RYK: variants seen among roughly 807,000 people sequenced by gnomAD.
The protein encoded by RYK is receptor like tyrosine kinase, also known as inactive tyrosine-protein kinase RYK.
Under a neutral mutation model 70.2 loss-of-function variants are expected in RYK, and 21 were observed. The observed-to-expected ratio is 0.30, with a 90% CI of 0.21 to 0.43. The LOEUF (loss-of-function observed/expected upper bound fraction) is 0.43, where lower values mean the gene tolerates loss of function less well. Ranked by LOEUF, RYK falls within the 20% of genes least tolerant of loss-of-function variation. The pLI is 1.00. For missense variants in RYK, 604 were observed against 753.3 expected (o/e 0.80, Z 2.32); for synonymous variants, 267 against 278.0 (o/e 0.96, Z 0.39).
At chr3:134,167,769 C>A (rs1303647423) in intron 13 of RYK, among the ~76,000 whole-genome samples, 3 of 152,144 alleles carry the variant, frequency 2.0e-5, no homozygotes, top group Non-Finnish European at 4.4e-5. Context: ...CCAAAATTGA[C>A]AAATGGGATC....
chr3:134,247,911 C>T (rs1206024873), intron 1 of RYK, among the ~76,000 whole-genome samples: 1 of 152,134 alleles, frequency 6.6e-6, no homozygotes, highest in East Asian at 1.9e-4. Context: ...GTTCAGAAGG[C>T]ACAAAATCTG....
chr3:134,189,047 G>A (rs989500917), intron 8 of RYK, 124 bp from the exon 9 acceptor site: 6 of 537,976 alleles, frequency 1.1e-5, no homozygotes, highest in African/African-American at 1.0e-4. Flanking sequence ...CATTACTGTA[G>A]CCCTAGAGTA....
intron 6 of RYK, among the ~76,000 whole-genome samples, chr3:134,200,480 C>T (rs1465173792): frequency 6.6e-6 from 1 of 152,172 alleles, no homozygotes; most frequent in Non-Finnish European, 1.5e-5. Flanking sequence ...AGAACTGTAA[C>T]ACTCACCGCG....
chr3:134,191,925 A>C lies in RYK; in HGVS notation c.939T>G (p.Leu313=), dbSNP rs61732795. The change falls in exon 8 of 15, where the codon CTT becomes CTG. Residue 313 remains leucine, a synonymous_variant. Transcript: ENST00000623711. ...IEKNDLRSVT[L]LEAKGKVKDI... ...CCTTCACCTTGCCTTTGGCCTCCAA[A>C]AGAGTGACACTTCTCAAGTCGTTCT... 125 of 1,613,466 alleles carry C rather than the reference A, an allele frequency of 7.7e-5. 2 individuals carry two copies. The Middle Eastern group carries it at 2.8e-3, about 36-fold the overall frequency.
At chr3:134,163,530 T>C (rs981979323) in intron 13 of RYK, among the ~76,000 whole-genome samples, 2 of 152,244 alleles carry the variant, frequency 1.3e-5, no homozygotes, top group Non-Finnish European at 2.9e-5. Context: ...AGCTTCTATA[T>C]ATAAGATGTA....
rs528563151 is a variant in RYK, at chr3:134,211,744, A to G, written c.355-137T>C. 5.0e-5 allele frequency: 31 copies of G among 625,306 alleles called. No individual in the cohort carries two copies. The Admixed American group carries it at 9.0e-4, about 18-fold the overall frequency. 38.7% of individuals were successfully genotyped at this position (625,306 alleles called of 1,614,324 possible). ...AAATAATCTAGCTATAAAAAAATGC[A>G]AATTGTCAGAAACAGTCCTAAGAAT... On this transcript the variant is annotated intron_variant, in intron 2 of 14. Transcript: ENST00000623711.
At chr3:134,250,386 C>G in intron 1 of RYK, 37 bp downstream of exon 1, 1 of 1,324,060 alleles carries the variant, frequency 7.6e-7, no homozygotes, top group Non-Finnish European at 9.7e-7. Context: ...CCCAGCCGGC[C>G]CGACCTGCCC....
At chr3:134,222,661 G>C in intron 1 of RYK, 122 bp from the exon 2 acceptor site, 4 of 792,906 alleles carry the variant, frequency 5.0e-6, no homozygotes, top group Non-Finnish European at 7.8e-6. Flanking sequence ...ATCACAAATG[G>C]CCCTAACATG....
At chr3:134,246,812 G>T (rs2015479690) in intron 1 of RYK, among the ~76,000 whole-genome samples, 1 of 151,990 alleles carries the variant, frequency 6.6e-6, no homozygotes, top group African/African-American at 2.4e-5. Context: ...CAAGAAAAAG[G>T]AAGACAGGAG....
At position 134,250,583 on chromosome 3, in the gene RYK, CGG is replaced by C; in HGVS notation, c.70_71del (p.Pro24AlafsTer56). ...GCAGAAGCAGCAGCGGCGGCGGCGG[CGG>C]GGCCCTCAGGCCGCGGGCCCCCGGG... ...CLPGARGLRA[P>X]PPPPLLLLLA... On this transcript the variant is annotated frameshift_variant, in exon 1 of 15. Coordinates refer to ENST00000623711, the MANE Select transcript of RYK (RefSeq NM_002958.4). LOFTEE classifies it high-confidence loss of function. The C allele has an allele frequency of 9.6e-7, 1 of 1,043,642 alleles. No homozygotes were observed. 64.6% of individuals were successfully genotyped at this position (1,043,642 alleles called of 1,614,324 possible).
Position 134,157,800 on chromosome 3 carries a change from G to C in RYK, c.*353C>G. 1 of 165,348 alleles carries C rather than the reference G, an allele frequency of 6.0e-6. No homozygotes were observed. The highest frequency in any genetic ancestry group is 1.3e-5 in the Non-Finnish European group (1 of 76,836). The allele number at this position is 165,348 out of a possible 1,614,324, so 10.2% of individuals were successfully genotyped here. On this transcript the variant is annotated 3_prime_UTR_variant, in exon 15 of 15. Coordinates refer to ENST00000623711, the MANE Select transcript of RYK (RefSeq NM_002958.4). Reference sequence around the variant, plus strand: ...TGATGAAGTAAAAAAATAAAAAGCAGTTGGCACTAAGATAGCTAATTCCAA... The same window carrying C: ...TGATGAAGTAAAAAAATAAAAAGCACTTGGCACTAAGATAGCTAATTCCAA...
chr3:134,198,716 C>A (rs1356861448), intron 6 of RYK, among the ~76,000 whole-genome samples: 5 of 152,116 alleles, frequency 3.3e-5, no homozygotes, highest in East Asian at 3.8e-4. Flanking sequence ...ATTTCTGGCA[C>A]AAACTATTGT....
At chr3:134,206,344 T>C (rs1460729938) in intron 5 of RYK, among the ~76,000 whole-genome samples, 2 of 152,158 alleles carry the variant, frequency 1.3e-5, no homozygotes, top group Non-Finnish European at 2.9e-5. Context: ...CAAACAAACA[T>C]GTTCAATGAT....
chr3:134,217,227 T>G (rs1371533240), intron 2 of RYK, among the ~76,000 whole-genome samples: 1 of 152,230 alleles, frequency 6.6e-6, no homozygotes, highest in East Asian at 1.9e-4. Context: ...TATTTCATCT[T>G]CTGGCAAACC....
At chr3:134,202,709 T>C in intron 6 of RYK, 21 bp downstream of exon 6, 1 of 1,607,622 alleles carries the variant, frequency 6.2e-7, no homozygotes, top group South Asian at 1.1e-5. Flanking sequence ...TTTTTTTTCT[T>C]TCCCAAAATA....
At chr3:134,183,825 G>A (rs1183525683) in intron 9 of RYK, among the ~76,000 whole-genome samples, 1 of 152,126 alleles carries the variant, frequency 6.6e-6, no homozygotes, top group African/African-American at 2.4e-5. Context: ...TGACACAATG[G>A]GATACTATGT....
Position 134,249,917 on chromosome 3 carries a change from G to GTTTTTTTTTTTTTTT in RYK, c.232+491_232+505dup, listed in dbSNP as rs71624038. ...TATAACCTCCCCTTCTTTCTCTCTC[G>GTTTTTTTTTTTTTTT]TTTTTTTTTTTTTTTTTTTTTTTTT... On this transcript the variant is annotated intron_variant, in intron 1 of 14. Coordinates refer to ENST00000623711, the MANE Select transcript of RYK (RefSeq NM_002958.4). 1.6e-4 allele frequency among the ~76,000 whole-genome samples: 15 copies of GTTTTTTTTTTTTTTT among 93,340 alleles called. 3 individuals are homozygous for GTTTTTTTTTTTTTTT. Among genetic ancestry groups the GTTTTTTTTTTTTTTT allele is most frequent in the African/African-American group, 7.4e-4 (14 of 18,906 alleles). The allele number at this position is 93,340 out of a possible 152,430, so 61.2% of individuals were successfully genotyped here. A position where few individuals can be genotyped will look rare whatever the true frequency, so the allele number is the denominator to read the frequency against.
chr3:134,183,083 G>A lies in RYK; in HGVS notation c.1103-12C>T, dbSNP rs1299710511. On this transcript the variant is annotated splice_polypyrimidine_tract_variant and intron_variant, in intron 9 of 14. Transcript: ENST00000623711. The stretch of plus-strand genomic sequence containing the variant: ...TTCAGAAGCTTGATCTATATATAAA[G>A]AAAAGAAAATGTCTTGAATAATAAT... The A allele has an allele frequency of 1.3e-6, 2 of 1,516,678 alleles. No individual in the cohort carries two copies. Among genetic ancestry groups the A allele is most frequent in the South Asian group, 2.5e-5 (2 of 80,256 alleles). 94.0% of individuals were successfully genotyped at this position (1,516,678 alleles called of 1,614,324 possible).
intron 9 of RYK, among the ~76,000 whole-genome samples, chr3:134,187,476 T>C (rs924579264): frequency 2.6e-5 from 4 of 152,182 alleles, no homozygotes; most frequent in Admixed American, 2.0e-4. Flanking sequence ...TCAGACCTGA[T>C]AGACATTAAG....
Sources: allele counts gnomAD v4.1 joint callset (sites outside exome capture counted in the v4.1 genomes callset), GRCh38; gene constraint gnomAD v4.1.1; transcripts MANE v1.5; gene names NCBI Gene and HGNC (gene_info 2026-07-23, HGNC 2026-07-21).